The following KIF26B variants were observed in gnomAD, a reference collection of about 807,000 sequenced individuals.
KIF26B encodes the protein kinesin-like protein KIF26B.
In KIF26B, 63 loss-of-function variants were observed where a neutral mutation model predicts 151.2. That is an observed-to-expected ratio of 0.42 (90% confidence interval 0.34 to 0.51). The LOEUF is 0.51. Ranked by LOEUF, KIF26B falls within the 20% of genes least tolerant of loss-of-function variation. The pLI, the probability that KIF26B is intolerant of heterozygous loss-of-function variation, is 0.07. For missense variants in KIF26B, 2,813 were observed against 2,913.6 expected (o/e 0.97, Z 0.79); for synonymous variants, 1,357 against 1,262.1 (o/e 1.08, Z -1.59).
At chr1:245,238,059 A>AT (rs1670147014) in intron 2 of KIF26B, among the ~76,000 whole-genome samples, 1 of 148,618 alleles carries the variant, frequency 6.7e-6, no homozygotes, top group Non-Finnish European at 1.5e-5. Flanking sequence ...TTGGCCAGGC[A>AT]TGCTGGCTCA....
intron 2 of KIF26B, among the ~76,000 whole-genome samples, chr1:245,286,142 G>A (rs6674716): frequency 1 from 152,268 of 152,290 alleles, 76,123 homozygotes; most frequent in Non-Finnish European, 1. Flanking sequence ...TGGGAGAATC[G>A]TTTCTTACAA....
chr1:245,684,597 C>T (rs1324059086), intron 11 of KIF26B, among the ~76,000 whole-genome samples: 1 of 152,246 alleles, frequency 6.6e-6, no homozygotes, highest in Admixed American at 6.5e-5. Context: ...CACCTCCCCA[C>T]ACCTGGTGCT....
chr1:245,165,301 A>G (rs1174828132), intron 2 of KIF26B, among the ~76,000 whole-genome samples: 7 of 152,136 alleles, frequency 4.6e-5, no homozygotes, highest in Admixed American at 4.6e-4. Context: ...AGAAAAGATG[A>G]TGCATTCTCC....
intron 4 of KIF26B, among the ~76,000 whole-genome samples, chr1:245,534,705 T>C (rs1295307878): frequency 2.0e-5 from 3 of 152,206 alleles, no homozygotes; most frequent in Non-Finnish European, 2.9e-5. Flanking sequence ...AACAACCCAT[T>C]CATTTTTTCC....
At chr1:245,621,509 T>A (rs1158488900) in intron 9 of KIF26B, among the ~76,000 whole-genome samples, 1 of 152,252 alleles carries the variant, frequency 6.6e-6, no homozygotes, top group East Asian at 1.9e-4. Flanking sequence ...TGTGGGTAAT[T>A]TGGTTTGGTC....
At chr1:245,353,931 T>G (rs575300217) in intron 2 of KIF26B, 98 of 152,558 alleles carry the variant, frequency 6.4e-4, no homozygotes, top group Non-Finnish European at 3.2e-4. Flanking sequence ...GTCTTGGAGT[T>G]GTTAGTTGTG....
intron 2 of KIF26B, among the ~76,000 whole-genome samples, chr1:245,320,943 G>A (rs1671875727): frequency 6.6e-6 from 1 of 152,184 alleles, no homozygotes; most frequent in Non-Finnish European, 1.5e-5. Flanking sequence ...CTCCCAAAGT[G>A]CTGGGATTAC....
At chr1:245,267,984 G>A (rs1670777987) in intron 2 of KIF26B, among the ~76,000 whole-genome samples, 1 of 152,114 alleles carries the variant, frequency 6.6e-6, no homozygotes, top group Non-Finnish European at 1.5e-5. Context: ...TAATCACCAG[G>A]AAGATCCTTA....
chr1:245,169,630 C>T (rs560446181), intron 2 of KIF26B, among the ~76,000 whole-genome samples: 4 of 151,956 alleles, frequency 2.6e-5, no homozygotes, highest in South Asian at 2.1e-4. Flanking sequence ...GTGGTAAATG[C>T]GATACAAAGG....
At chr1:245,619,165 G>A (rs12031500) in intron 9 of KIF26B, among the ~76,000 whole-genome samples, 11 of 128,426 alleles carry the variant, frequency 8.6e-5, no homozygotes, top group East Asian at 2.3e-4. Flanking sequence ...ATTAAACTAT[G>A]GGTTCCTTGA....
At chr1:245,499,729 C>T (rs943376954) in intron 4 of KIF26B, among the ~76,000 whole-genome samples, 4 of 152,198 alleles carry the variant, frequency 2.6e-5, no homozygotes, top group African/African-American at 4.8e-5. Flanking sequence ...CATGGCACTC[C>T]GTTAGCCAAT....
chr1:245,493,260 A>G (rs2103074953), intron 4 of KIF26B, among the ~76,000 whole-genome samples: 1 of 152,304 alleles, frequency 6.6e-6, no homozygotes, highest in Admixed American at 6.5e-5. Context: ...CACTAATGGC[A>G]TGAGCCAGAT....
chr1:245,262,505 G>C (rs1670665497), intron 2 of KIF26B, among the ~76,000 whole-genome samples: 1 of 151,982 alleles, frequency 6.6e-6, no homozygotes, highest in Non-Finnish European at 1.5e-5. Context: ...TCTGGCTGGA[G>C]TGCAATGGCG....
intron 9 of KIF26B, among the ~76,000 whole-genome samples, chr1:245,620,966 G>A (rs1558239976): frequency 6.6e-6 from 1 of 152,100 alleles, no homozygotes; most frequent in Non-Finnish European, 1.5e-5. Context: ...TGGGCGTCAG[G>A]CAGAACTTCT....
At chr1:245,485,532 T>C (rs1322473397) in intron 4 of KIF26B, among the ~76,000 whole-genome samples, 4 of 151,922 alleles carry the variant, frequency 2.6e-5, no homozygotes, top group Admixed American at 6.6e-5. Flanking sequence ...TACAGGCGCC[T>C]GCCACCACTC....
chr1:245,240,495 A>G (rs1331659638), intron 2 of KIF26B, among the ~76,000 whole-genome samples: 1 of 152,224 alleles, frequency 6.6e-6, no homozygotes, highest in Non-Finnish European at 1.5e-5. Flanking sequence ...GCATATACAC[A>G]TACATGTACA....
At chr1:245,631,458 A>T (rs746084014) in intron 9 of KIF26B, among the ~76,000 whole-genome samples, 52 of 152,218 alleles carry the variant, frequency 3.4e-4, no homozygotes, top group Non-Finnish European at 6.6e-4. Flanking sequence ...CCATCATTGC[A>T]TCCCTAGGAT....
intron 10 of KIF26B, among the ~76,000 whole-genome samples, chr1:245,666,292 G>C (rs2044213473): frequency 6.6e-6 from 1 of 152,084 alleles, no homozygotes; most frequent in Non-Finnish European, 1.5e-5. Context: ...TCCTAGATGA[G>C]ACCACTGAAA....
chr1:245,451,007 C>A (rs1040654364), intron 4 of KIF26B, among the ~76,000 whole-genome samples: 11 of 152,060 alleles, frequency 7.2e-5, no homozygotes, highest in African/African-American at 2.4e-4. Flanking sequence ...GTGCCCACGG[C>A]CATTACATTT....
Sources: allele counts gnomAD v4.1 joint callset (sites outside exome capture counted in the v4.1 genomes callset), GRCh38; gene constraint gnomAD v4.1.1; transcripts MANE v1.5; gene names NCBI Gene and HGNC (gene_info 2026-07-23, HGNC 2026-07-21).